Variants in CATSPERT observed in about 807,000 individuals in gnomAD.
The protein encoded by CATSPERT is cation channel sperm-associated targeting subunit tau.
chr2:201,558,577 T>TC, the CATSPERT span, among the ~76,000 whole-genome samples: 2 of 152,246 alleles, frequency 1.3e-5, no homozygotes, highest in East Asian at 3.9e-4. Context: ...TAGCAGAATA[T>TC]CCCCACCAGC....
At chr2:201,601,532 T>C in the CATSPERT span, among the ~76,000 whole-genome samples, 2 of 152,214 alleles carry the variant, frequency 1.3e-5, no homozygotes, top group Non-Finnish European at 2.9e-5. Context: ...TCTACTAAGA[T>C]TATGCATTTC....
the CATSPERT span, among the ~76,000 whole-genome samples, chr2:201,599,622 GTTTC>G: frequency 4.0e-5 from 6 of 151,334 alleles, no homozygotes; most frequent in Non-Finnish European, 8.8e-5. Context: ...GCTTTTTTAT[GTTTC>G]TTTGTTTGCT....
the CATSPERT span, chr2:201,603,119 C>T: frequency 6.4e-6 from 6 of 933,318 alleles, no homozygotes; most frequent in Non-Finnish European, 9.7e-6. Context: ...ATAAAATGGT[C>T]AATGTGTTAA....
the CATSPERT span, among the ~76,000 whole-genome samples, chr2:201,512,898 A>G: frequency 7.1e-6 from 1 of 140,214 alleles, no homozygotes; most frequent in African/African-American, 2.6e-5. Context: ...ACATGGACAC[A>G]GGAAGGGGAA....
the CATSPERT span, chr2:201,547,656 G>A: frequency 6.3e-6 from 6 of 956,432 alleles, no homozygotes; most frequent in African/African-American, 8.4e-5. Context: ...AGTGATAGAA[G>A]AATACATATG....
At chr2:201,572,423 A>G in the CATSPERT span, among the ~76,000 whole-genome samples, 1 of 152,210 alleles carries the variant, frequency 6.6e-6, no homozygotes, top group African/African-American at 2.4e-5. Context: ...AGTAGGGGAC[A>G]ATATCACTGA....
the CATSPERT span, among the ~76,000 whole-genome samples, chr2:201,613,439 A>G: frequency 2.0e-5 from 3 of 152,234 alleles, no homozygotes; most frequent in Non-Finnish European, 2.9e-5. Context: ...CCAGGCAAAC[A>G]GGGTCAGAGT....
chr2:201,541,531 T>TTATATA, the CATSPERT span, among the ~76,000 whole-genome samples: 554 of 92,524 alleles, frequency 6.0e-3, 2 homozygotes, highest in Middle Eastern at 0.01. Context: ...TCAGATGATT[T>TTATATA]TATATATATA....
At chr2:201,585,821 A>G in the CATSPERT span, among the ~76,000 whole-genome samples, 1 of 152,172 alleles carries the variant, frequency 6.6e-6, no homozygotes, top group Admixed American at 6.6e-5. Flanking sequence ...AAGAAAGAAG[A>G]AAAATGGAAT....
chr2:201,598,073 T>C, the CATSPERT span, among the ~76,000 whole-genome samples: 1 of 152,158 alleles, frequency 6.6e-6, no homozygotes, highest in African/African-American at 2.4e-5. Flanking sequence ...CCTGTATTAA[T>C]CATGGTTTTT....
the CATSPERT span, chr2:201,491,093 G>T: frequency 8.3e-7 from 1 of 1,209,864 alleles, no homozygotes; most frequent in Non-Finnish European, 1.1e-6. Flanking sequence ...ACAGTTGGAT[G>T]CAGATATATA....
the CATSPERT span, chr2:201,545,538 C>A: frequency 7.2e-7 from 1 of 1,397,236 alleles, no homozygotes; most frequent in South Asian, 1.4e-5. Context: ...AAAGTAGTTT[C>A]TTACCTACTC....
chr2:201,547,362 C>T, the CATSPERT span: 3 of 494,354 alleles, frequency 6.1e-6, no homozygotes, highest in South Asian at 6.3e-5. Flanking sequence ...GGCACATTAT[C>T]AAAACAGGTA....
At chr2:201,570,033 T>G in the CATSPERT span, among the ~76,000 whole-genome samples, 1 of 151,848 alleles carries the variant, frequency 6.6e-6, no homozygotes, top group Non-Finnish European at 1.5e-5. Context: ...AATACAAAAA[T>G]TAGCCAAACG....
chr2:201,487,619 C>A, the CATSPERT span: 1 of 1,609,778 alleles, frequency 6.2e-7, no homozygotes, highest in East Asian at 2.2e-5. Flanking sequence ...TTTTCAATAT[C>A]CTCTTTTAAT....
the CATSPERT span, among the ~76,000 whole-genome samples, chr2:201,562,502 C>CTTTA: frequency 1.7e-3 from 236 of 137,340 alleles, no homozygotes; most frequent in Middle Eastern, 7.1e-3. Context: ...TCTAATAATT[C>CTTTA]TTTATTTATT....
the CATSPERT span, among the ~76,000 whole-genome samples, chr2:201,581,409 G>A: frequency 7.1e-6 from 1 of 139,874 alleles, no homozygotes; most frequent in Non-Finnish European, 1.5e-5. Flanking sequence ...AAGTGTAAGT[G>A]TGGGTTTTTT....
the CATSPERT span, among the ~76,000 whole-genome samples, chr2:201,568,342 A>G: frequency 2.0e-5 from 3 of 152,214 alleles, no homozygotes; most frequent in Non-Finnish European, 4.4e-5. Context: ...ATCCCTGGGA[A>G]CTAAATTGTA....
At chr2:201,541,700 AT>A in the CATSPERT span, among the ~76,000 whole-genome samples, 1 of 151,008 alleles carries the variant, frequency 6.6e-6, no homozygotes, top group African/African-American at 2.4e-5. Context: ...GGTTCAAGAG[AT>A]TCTCATGTCT....
Sources: allele counts gnomAD v4.1 joint callset (sites outside exome capture counted in the v4.1 genomes callset), GRCh38; gene constraint gnomAD v4.1.1; transcripts MANE v1.5; gene names NCBI Gene and HGNC (gene_info 2026-07-23, HGNC 2026-07-21).